Variants in PRKCE observed in about 807,000 individuals in gnomAD.
PRKCE encodes the protein protein kinase C epsilon type.
PRKCE carries 16 observed loss-of-function variants against 85.4 expected under a neutral mutation model. The observed-to-expected ratio is 0.19, with a 90% CI of 0.13 to 0.28. PRKCE has a LOEUF of 0.28. Ranked by LOEUF, PRKCE falls within the 10% of genes least tolerant of loss-of-function variation. The pLI is 1.00. For missense variants in PRKCE, 573 were observed against 975.2 expected (o/e 0.59, Z 5.49); for synonymous variants, 388 against 371.5 (o/e 1.04, Z -0.51).
intron 1 of PRKCE, among the ~76,000 whole-genome samples, chr2:45,793,605 C>T (rs1200713476): frequency 2.6e-5 from 4 of 152,222 alleles, no homozygotes; most frequent in Non-Finnish European, 5.9e-5. Context: ...CTCTGATGCT[C>T]TGGCCTTTGA....
chr2:45,767,248 C>T (rs4953250), intron 1 of PRKCE, among the ~76,000 whole-genome samples: 84,019 of 151,952 alleles, frequency 0.55, 25,986 homozygotes, highest in East Asian at 0.81. Context: ...AACCCTCTAA[C>T]TTAATACATT....
chr2:46,082,488 G>C (rs1032474830), intron 10 of PRKCE, among the ~76,000 whole-genome samples: 24 of 152,062 alleles, frequency 1.6e-4, no homozygotes, highest in African/African-American at 5.8e-4. Flanking sequence ...GACATATTGG[G>C]CTTGAGTGCC....
At chr2:45,929,471 A>C (rs1302339413) in intron 2 of PRKCE, among the ~76,000 whole-genome samples, 2 of 152,064 alleles carry the variant, frequency 1.3e-5, no homozygotes, top group African/African-American at 4.8e-5. Flanking sequence ...GCAGAAACCG[A>C]GACTAAGGGA....
chr2:45,885,002 T>TATTTTTTTTTTG (rs1553440407), intron 2 of PRKCE, among the ~76,000 whole-genome samples: 1 of 97,642 alleles, frequency 1.0e-5, no homozygotes, highest in Non-Finnish European at 2.1e-5. Context: ...TATATATATA[T>TATTTTTTTTTTG]TTGTTGTTGT....
At chr2:45,699,631 C>G (rs1300418965) in intron 1 of PRKCE, among the ~76,000 whole-genome samples, 1 of 152,138 alleles carries the variant, frequency 6.6e-6, no homozygotes, top group Non-Finnish European at 1.5e-5. Context: ...CTTGTTTTAG[C>G]CTTAATAACT....
At chr2:45,729,499 T>C (rs1214448374) in intron 1 of PRKCE, among the ~76,000 whole-genome samples, 5 of 152,186 alleles carry the variant, frequency 3.3e-5, no homozygotes, top group African/African-American at 1.2e-4. Context: ...CCTTCATTAC[T>C]TTCCGATTCC....
At chr2:45,961,351 A>G (rs1701363941) in intron 2 of PRKCE, among the ~76,000 whole-genome samples, 1 of 152,194 alleles carries the variant, frequency 6.6e-6, no homozygotes, top group East Asian at 1.9e-4. Context: ...TGAAGTATCT[A>G]CTGCTATATA....
At chr2:46,168,405 A>C (rs796599705) in intron 14 of PRKCE, among the ~76,000 whole-genome samples, 10 of 152,218 alleles carry the variant, frequency 6.6e-5, no homozygotes, top group African/African-American at 2.2e-4. Flanking sequence ...TGTTTCCTAG[A>C]GGAGCTGGAA....
At chr2:45,865,254 A>C (rs573795482) in intron 2 of PRKCE, among the ~76,000 whole-genome samples, 1 of 152,282 alleles carries the variant, frequency 6.6e-6, no homozygotes, top group South Asian at 2.1e-4. Context: ...AATCAATTGG[A>C]ATTCTCAACC....
chr2:46,123,286 G>T (rs1255569512), intron 11 of PRKCE, among the ~76,000 whole-genome samples: 1 of 112,274 alleles, frequency 8.9e-6, no homozygotes, highest in East Asian at 3.0e-4. Flanking sequence ...AAAGAGATAA[G>T]CAAAGCACAT....
chr2:46,172,385 C>T (rs1678997962), intron 14 of PRKCE, among the ~76,000 whole-genome samples: 2 of 152,242 alleles, frequency 1.3e-5, no homozygotes, highest in African/African-American at 4.8e-5. Context: ...CAGGTGGCCC[C>T]ATGTGGCTGG....
intron 2 of PRKCE, among the ~76,000 whole-genome samples, chr2:45,923,047 G>T (rs984479678): frequency 6.6e-6 from 1 of 152,196 alleles, no homozygotes; most frequent in African/African-American, 2.4e-5. Flanking sequence ...ATAAAGGAAA[G>T]AAACAGATAC....
intron 1 of PRKCE, among the ~76,000 whole-genome samples, chr2:45,817,792 C>T (rs58730937): frequency 0.21 from 32,156 of 152,206 alleles, 3,571 homozygotes; most frequent in South Asian, 0.26. Context: ...AGATGGGTGA[C>T]AATGAAGCTG....
chr2:45,782,670 G>A (rs985098502), intron 1 of PRKCE, among the ~76,000 whole-genome samples: 1 of 152,040 alleles, frequency 6.6e-6, no homozygotes, highest in Admixed American at 6.5e-5. Flanking sequence ...TTTATGAACT[G>A]TCCACTTTTC....
intron 11 of PRKCE, among the ~76,000 whole-genome samples, chr2:46,093,883 T>C (rs897545276): frequency 6.6e-6 from 1 of 152,176 alleles, no homozygotes; most frequent in South Asian, 2.1e-4. Flanking sequence ...ATATATAGTA[T>C]ACATTATTAT....
intron 6 of PRKCE, among the ~76,000 whole-genome samples, chr2:45,998,483 G>A (rs1405711041): frequency 6.6e-6 from 1 of 152,032 alleles, no homozygotes; most frequent in Non-Finnish European, 1.5e-5. Flanking sequence ...CTGCTTTTTT[G>A]GGTTTAGTGT....
chr2:45,979,710 A>G (rs909094962), intron 4 of PRKCE, among the ~76,000 whole-genome samples: 1 of 152,150 alleles, frequency 6.6e-6, no homozygotes, highest in Non-Finnish European at 1.5e-5. Context: ...TCCTTGGGGT[A>G]ACACGCACAC....
In PRKCE at chr2:45,905,711, G is replaced by C. The variant is rs370683695; in HGVS notation, c.412+62648G>C. On this transcript the variant is annotated intron_variant, in intron 2 of 14. Coordinates refer to ENST00000306156, the MANE Select transcript of PRKCE (RefSeq NM_005400.3). This position sits in a 1 kb window ranked among gnomAD's most constrained non-coding sequence, Gnocchi z 4.4. ...CCAGGTGGTGGAACACTGCAACTGTGATCTACAAAGATAGGATGTTTACTG... is the reference window on the plus strand; with the variant it reads ...CCAGGTGGTGGAACACTGCAACTGTCATCTACAAAGATAGGATGTTTACTG... Among the ~76,000 whole-genome samples, 21 of 152,352 alleles carry C rather than the reference G, an allele frequency of 1.4e-4. No homozygotes were observed. Among genetic ancestry groups the C allele is most frequent in the African/African-American group, 5.1e-4 (21 of 41,582 alleles).
intron 1 of PRKCE, among the ~76,000 whole-genome samples, chr2:45,798,603 T>A (rs975598488): frequency 4.6e-5 from 7 of 152,248 alleles, no homozygotes; most frequent in African/African-American, 1.7e-4. Context: ...CAGAGTTTTA[T>A]ATGATTGAAA....
Sources: allele counts gnomAD v4.1 joint callset (sites outside exome capture counted in the v4.1 genomes callset), GRCh38; gene constraint gnomAD v4.1.1; non-coding constraint Gnocchi (gnomAD v3.1); transcripts MANE v1.5; gene names NCBI Gene and HGNC (gene_info 2026-07-23, HGNC 2026-07-21).